Variants in SLC4A10 observed in about 807,000 individuals in gnomAD.
SLC4A10 encodes the protein sodium-driven chloride bicarbonate exchanger.
In SLC4A10, 42 loss-of-function variants were observed where a neutral mutation model predicts 137.7. The observed-to-expected ratio is 0.30, with a 90% CI of 0.24 to 0.39. The LOEUF is 0.39. SLC4A10 is among the 10% of genes least tolerant of loss of function. The pLI is 1.00. For synonymous variants in SLC4A10, 474 were observed against 464.1 expected, an observed-to-expected ratio of 1.02 and a Z score of -0.27; for missense variants, 925 against 1,355.0, an observed-to-expected ratio of 0.68 and a Z score of 4.98.
chr2:161,724,059 CA>C (rs2045968631), intron 1 of SLC4A10, among the ~76,000 whole-genome samples: 1 of 152,198 alleles, frequency 6.6e-6, no homozygotes, highest in African/African-American at 2.4e-5. Context: ...ATCGCAACCT[CA>C]AAACCAATTA....
intron 10 of SLC4A10, among the ~76,000 whole-genome samples, chr2:161,885,572 C>A (rs1193543035): frequency 1.3e-5 from 2 of 152,022 alleles, no homozygotes; most frequent in Non-Finnish European, 2.9e-5. Flanking sequence ...GACATCATAC[C>A]AATATTCTAT....
At chr2:161,951,620 G>A (rs542169890) in intron 19 of SLC4A10, among the ~76,000 whole-genome samples, 36 of 152,188 alleles carry the variant, frequency 2.4e-4, no homozygotes, top group East Asian at 1.4e-3. Flanking sequence ...TTTTGGTATC[G>A]TGGGGTAGTT....
chr2:161,648,966 C>A (rs1248642842), intron 1 of SLC4A10, among the ~76,000 whole-genome samples: 2 of 152,056 alleles, frequency 1.3e-5, no homozygotes, highest in East Asian at 1.9e-4. Flanking sequence ...CTAGTTGCAT[C>A]AAAAATTATA....
At chr2:161,694,470 G>T (rs1211276075) in intron 1 of SLC4A10, among the ~76,000 whole-genome samples, 1 of 72,520 alleles carries the variant, frequency 1.4e-5, no homozygotes, top group African/African-American at 4.0e-5. Context: ...ACAGCAGATT[G>T]TTAAAAAAAA....
chr2:161,773,635 T>C (rs2051944770), intron 2 of SLC4A10, among the ~76,000 whole-genome samples: 1 of 151,840 alleles, frequency 6.6e-6, no homozygotes, highest in Non-Finnish European at 1.5e-5. Context: ...GTACAGGTTG[T>C]AGAAATGCCA....
At chr2:161,781,845 TGG>T (rs2053054932) in intron 2 of SLC4A10, among the ~76,000 whole-genome samples, 1 of 152,076 alleles carries the variant, frequency 6.6e-6, no homozygotes, top group South Asian at 2.1e-4. Context: ...CCATCGAAGC[TGG>T]TGAGGATATT....
chr2:161,826,689 T>C (rs998132671), intron 3 of SLC4A10, among the ~76,000 whole-genome samples: 3 of 152,178 alleles, frequency 2.0e-5, no homozygotes, highest in Non-Finnish European at 2.9e-5. Context: ...GTTATGATTC[T>C]ACAAGGGCTT....
intron 1 of SLC4A10, among the ~76,000 whole-genome samples, chr2:161,717,163 G>C (rs1210904906): frequency 6.6e-6 from 1 of 152,168 alleles, no homozygotes; most frequent in Non-Finnish European, 1.5e-5. Context: ...CTGAGATTTT[G>C]CTGAAGTTGC....
At chr2:161,957,680 C>T (rs561502896) in intron 20 of SLC4A10, among the ~76,000 whole-genome samples, 5 of 152,234 alleles carry the variant, frequency 3.3e-5, no homozygotes, top group Admixed American at 6.5e-5. Flanking sequence ...TAGTCACATA[C>T]GCAGTTTTCC....
At chr2:161,825,481 C>T (rs902807455) in intron 3 of SLC4A10, among the ~76,000 whole-genome samples, 1 of 152,154 alleles carries the variant, frequency 6.6e-6, no homozygotes, top group Admixed American at 6.5e-5. Flanking sequence ...CTATTTATTC[C>T]TCTTCATCCC....
intron 1 of SLC4A10, among the ~76,000 whole-genome samples, chr2:161,719,350 G>A (rs965351035): frequency 1.3e-5 from 2 of 152,158 alleles, no homozygotes; most frequent in African/African-American, 4.8e-5. Flanking sequence ...TGTGAATAGA[G>A]CCACAATAAA....
At chr2:161,735,332 A>G (rs1213615893) in intron 1 of SLC4A10, among the ~76,000 whole-genome samples, 2 of 151,738 alleles carry the variant, frequency 1.3e-5, no homozygotes, top group Non-Finnish European at 2.9e-5. Context: ...ATCTAAATAT[A>G]TTTAGGTTTT....
chr2:161,914,702 T>G (rs1434197754), intron 15 of SLC4A10, among the ~76,000 whole-genome samples: 1 of 152,138 alleles, frequency 6.6e-6, no homozygotes, highest in Non-Finnish European at 1.5e-5. Context: ...GCAGGAATAT[T>G]TCTCCTCACT....
At chr2:161,857,009 T>C (rs1293083777) in intron 5 of SLC4A10, among the ~76,000 whole-genome samples, 2 of 152,210 alleles carry the variant, frequency 1.3e-5, no homozygotes, top group Non-Finnish European at 2.9e-5. Context: ...CTTTATACTT[T>C]TACCAGTCTT....
chr2:161,635,204 G>T (rs967430977), intron 1 of SLC4A10, among the ~76,000 whole-genome samples: 1 of 151,940 alleles, frequency 6.6e-6, no homozygotes, highest in Non-Finnish European at 1.5e-5. Context: ...AAATTAGAAT[G>T]AGCCAAATCA....
At chr2:161,688,788 T>C (rs2041689759) in intron 1 of SLC4A10, among the ~76,000 whole-genome samples, 2 of 152,114 alleles carry the variant, frequency 1.3e-5, no homozygotes, top group African/African-American at 2.4e-5. Context: ...TACCACAGAT[T>C]ATCGATTTTC....
At chr2:161,653,531 T>C (rs2037100252) in intron 1 of SLC4A10, among the ~76,000 whole-genome samples, 1 of 152,238 alleles carries the variant, frequency 6.6e-6, no homozygotes, top group Non-Finnish European at 1.5e-5. Flanking sequence ...TTTTTAATAA[T>C]CGCCATTCTA....
chr2:161,722,802 G>A lies in SLC4A10; in HGVS notation c.49-48171G>A, dbSNP rs925661714. 1.3e-5 allele frequency among the ~76,000 whole-genome samples: 2 copies of A among 152,202 alleles called. 1 individual carries two copies. The highest frequency in any genetic ancestry group is 2.9e-5 in the Non-Finnish European group (2 of 68,038). On this transcript the variant is annotated intron_variant, in intron 1 of 26. Transcript: ENST00000446997. ...CTAAGTCCACTGAACCCACAAGACTGCGTCCTCTCCTCCCCACAGGGCCTC... is the reference window on the plus strand; with the variant it reads ...CTAAGTCCACTGAACCCACAAGACTACGTCCTCTCCTCCCCACAGGGCCTC...
intron 10 of SLC4A10, among the ~76,000 whole-genome samples, chr2:161,891,874 G>A (rs1378198488): frequency 6.6e-6 from 1 of 151,968 alleles, no homozygotes; most frequent in Non-Finnish European, 1.5e-5. Context: ...AGGAGAAGCA[G>A]CATTCTGGTT....
Sources: allele counts gnomAD v4.1 joint callset (sites outside exome capture counted in the v4.1 genomes callset), GRCh38; gene constraint gnomAD v4.1.1; transcripts MANE v1.5; gene names NCBI Gene and HGNC (gene_info 2026-07-23, HGNC 2026-07-21).